The following SHISAL1 variants were observed in gnomAD, a reference collection of about 807,000 sequenced individuals.
SHISAL1 encodes shisa like 1, also known as protein shisa-like-1.
A neutral mutation model predicts 22.6 loss-of-function variants in SHISAL1; 9 were observed. The observed-to-expected ratio is 0.40, with a 90% CI of 0.24 to 0.70. The LOEUF is 0.70. Ranked by LOEUF, SHISAL1 falls within the 30% of genes least tolerant of loss-of-function variation. The pLI, the probability that SHISAL1 is intolerant of heterozygous loss-of-function variation, is 0.39. For missense variants in SHISAL1, 246 were observed against 270.6 expected, an observed-to-expected ratio of 0.91 and a Z score of 0.64; for synonymous variants, 119 against 115.4, an observed-to-expected ratio of 1.03 and a Z score of -0.20.
In SHISAL1 at chr22:44,296,734, C is replaced by G. The variant is rs1391526629; in HGVS notation, c.219G>C (p.Glu73Asp). The change falls in exon 3 of 5, where the codon GAG becomes GAC. Residue 73 changes from glutamate (E) to aspartate (D), a missense_variant. Physicochemically the swap from Glu to Asp is conservative, Grantham distance 45 (BLOSUM62 2). Transcript: ENST00000381176. ...CCTGCATCACCGCCTGGAACTCCGT[C>G]TCGTTGCAGCAGTATTTGAAGACCG... ...NNTVFKYCCN[E>D]TEFQAVMQAN... The G allele has an allele frequency of 6.2e-7, 1 of 1,614,132 alleles. No individual in the cohort carries two copies. The highest frequency in any genetic ancestry group is 1.3e-5 in the African/African-American group (1 of 75,048).
At chr22:44,257,884 G>A (rs1157830478) in intron 4 of SHISAL1, among the ~76,000 whole-genome samples, 1 of 152,216 alleles carries the variant, frequency 6.6e-6, no homozygotes, top group African/African-American at 2.4e-5. Flanking sequence ...GCTCACGCCT[G>A]TAATCCCAGC....
At position 44,249,496 on chromosome 22, in the gene SHISAL1, T is replaced by C. The variant is rs2055031187; in HGVS notation, c.*189A>G. The stretch of plus-strand genomic sequence containing the variant: ...TCCCCTCCCCTGCACCCCCAGCCCC[T>C]ACCCCTGAGTTTGCTCCTAATCTTA... On this transcript the variant is annotated 3_prime_UTR_variant, in exon 5 of 5. Transcript: ENST00000381176. 1.1e-5 allele frequency: 4 copies of C among 356,132 alleles called. No individual in the cohort carries two copies. The highest frequency in any genetic ancestry group is 1.1e-5 in the Non-Finnish European group (2 of 177,474). 22.1% of individuals were successfully genotyped at this position (356,132 alleles called of 1,614,324 possible). A position where few individuals can be genotyped will look rare whatever the true frequency, so the allele number is the denominator to read the frequency against.
the SHISAL1 span, among the ~76,000 whole-genome samples, chr22:44,319,315 C>T: frequency 1.3e-5 from 2 of 152,238 alleles, no homozygotes; most frequent in Admixed American, 1.3e-4. Context: ...GTGTTGCCTG[C>T]CGAAGATCAC....
At position 44,288,363 on chromosome 22, in the gene SHISAL1, G is replaced by A. The variant is rs548587643; in HGVS notation, c.282-2618C>T. 6.6e-5 allele frequency among the ~76,000 whole-genome samples: 10 copies of A among 152,338 alleles called. 1 individual carries two copies. In the South Asian group the frequency reaches 1.0e-3, roughly 16 times the overall value. On this transcript the variant is annotated intron_variant, in intron 3 of 4. Coordinates refer to ENST00000381176, the MANE Select transcript of SHISAL1 (RefSeq NM_001099294.2). ...AGAAAAGCTGCTCCAGGGGCCAGGC[G>A]CGGTGGCTCATGCCTGTAATCCCAG...
In SHISAL1 at chr22:44,244,725, G is replaced by C. The variant is rs1254292688; in HGVS notation, c.*4960C>G. Reference sequence around the variant, plus strand: ...CCAGCTATAGCAGGAATGGCTCCCAGATGGGCCCTGGGTACAGGGCCAGGC... The same window carrying C: ...CCAGCTATAGCAGGAATGGCTCCCACATGGGCCCTGGGTACAGGGCCAGGC... On this transcript the variant is annotated 3_prime_UTR_variant, in exon 5 of 5. Transcript: ENST00000381176. 5 of 152,320 alleles carry C rather than the reference G, an allele frequency of 3.3e-5. No individual in the cohort carries two copies. The highest frequency in any genetic ancestry group is 3.4e-3 in the Middle Eastern group (1 of 294). The allele number at this position is 152,320 out of a possible 1,614,324, so 9.4% of individuals were successfully genotyped here. A position where few individuals can be genotyped will look rare whatever the true frequency, so the allele number is the denominator to read the frequency against.
At chr22:44,276,209 ACT>A (rs1256830073) in intron 4 of SHISAL1, among the ~76,000 whole-genome samples, 1 of 152,030 alleles carries the variant, frequency 6.6e-6, no homozygotes, top group African/African-American at 2.4e-5. Flanking sequence ...TGATCGGGTG[ACT>A]CTGAACAGGG....
At chr22:44,320,414 G>T in the SHISAL1 span, among the ~76,000 whole-genome samples, 1 of 152,204 alleles carries the variant, frequency 6.6e-6, no homozygotes, top group African/African-American at 2.4e-5. Context: ...CCGTGGATCA[G>T]GGGGCAGGGA....
At chr22:44,305,345 C>T (rs1381530647) in intron 1 of SHISAL1, among the ~76,000 whole-genome samples, 1 of 152,218 alleles carries the variant, frequency 6.6e-6, no homozygotes, top group Non-Finnish European at 1.5e-5. Context: ...AGCAGCCTCC[C>T]GTTATGCGAT....
At position 44,249,626 on chromosome 22, in the gene SHISAL1, G is replaced by A. The variant is rs1389505056; in HGVS notation, c.*59C>T. 1.3e-6 allele frequency: 1 copy of A among 778,112 alleles called. No individual in the cohort carries two copies. Among genetic ancestry groups the A allele is most frequent in the East Asian group, 2.4e-5 (1 of 41,174 alleles). The allele number at this position is 778,112 out of a possible 1,614,324, so 48.2% of individuals were successfully genotyped here. On this transcript the variant is annotated 3_prime_UTR_variant, in exon 5 of 5. Transcript: ENST00000381176. Reference sequence around the variant, plus strand: ...CTCTGTAGAAGTTGTTCTTCTCGGAGGCTGCACCGGGTGCTTCAGATCTCA... The same window carrying A: ...CTCTGTAGAAGTTGTTCTTCTCGGAAGCTGCACCGGGTGCTTCAGATCTCA...
chr22:44,272,451 G>C (rs772063299), intron 4 of SHISAL1, among the ~76,000 whole-genome samples: 1 of 152,188 alleles, frequency 6.6e-6, no homozygotes, highest in Non-Finnish European at 1.5e-5. Context: ...CACTTAACAC[G>C]GGGCATGGCC....
chr22:44,292,289 G>T (rs2055358334), intron 3 of SHISAL1, among the ~76,000 whole-genome samples: 1 of 152,148 alleles, frequency 6.6e-6, no homozygotes, highest in African/African-American at 2.4e-5. Flanking sequence ...ATCTAGACGG[G>T]CTGCTGGTGA....
At chr22:44,282,311 T>C (rs966329666) in intron 4 of SHISAL1, among the ~76,000 whole-genome samples, 19 of 152,236 alleles carry the variant, frequency 1.2e-4, no homozygotes, top group Non-Finnish European at 2.5e-4. Context: ...AGGGAACTCC[T>C]GGGCACTGAG....
In SHISAL1 at chr22:44,249,355, C is replaced by T. The variant is rs2055029922; in HGVS notation, c.*330G>A. On this transcript the variant is annotated 3_prime_UTR_variant, in exon 5 of 5. Coordinates refer to ENST00000381176, the MANE Select transcript of SHISAL1 (RefSeq NM_001099294.2). ...GTATAACTCACAGGCCTCAATCCTC[C>T]TGGCTGGAATCAGCCAGAGTTGCTT... 3 of 306,510 alleles carry T rather than the reference C, an allele frequency of 9.8e-6. No individual in the cohort carries two copies. The highest frequency in any genetic ancestry group is 1.8e-5 in the Non-Finnish European group (3 of 164,276). 19.0% of individuals were successfully genotyped at this position (306,510 alleles called of 1,614,324 possible).
intron 4 of SHISAL1, among the ~76,000 whole-genome samples, chr22:44,253,332 T>C (rs544211549): frequency 6.6e-6 from 1 of 151,786 alleles, no homozygotes; most frequent in Non-Finnish European, 1.5e-5. Context: ...CTAACAGTAA[T>C]GAATGTTCAT....
chr22:44,309,197 G>A (rs889398389), intron 1 of SHISAL1, among the ~76,000 whole-genome samples: 2 of 152,246 alleles, frequency 1.3e-5, no homozygotes, highest in African/African-American at 4.8e-5. Context: ...AGTCTCTACT[G>A]TGGACCAACA....
At chr22:44,265,651 G>T (rs528150344) in intron 4 of SHISAL1, among the ~76,000 whole-genome samples, 35 of 152,316 alleles carry the variant, frequency 2.3e-4, no homozygotes, top group African/African-American at 8.4e-4. Flanking sequence ...GGGGTAACTT[G>T]TTACACAGCA....
chr22:44,325,538 T>C, the SHISAL1 span, among the ~76,000 whole-genome samples: 2 of 152,174 alleles, frequency 1.3e-5, no homozygotes, highest in Non-Finnish European at 2.9e-5. Context: ...CTTTAAGTTT[T>C]AGAATTTCTA....
the SHISAL1 span, among the ~76,000 whole-genome samples, chr22:44,325,561 T>G: frequency 1.3e-5 from 2 of 152,152 alleles, no homozygotes; most frequent in Non-Finnish European, 2.9e-5. Context: ...GAATAACTTA[T>G]TCTATTTGCT....
intron 4 of SHISAL1, among the ~76,000 whole-genome samples, chr22:44,277,197 T>C (rs1424564121): frequency 6.6e-6 from 1 of 152,112 alleles, no homozygotes; most frequent in Non-Finnish European, 1.5e-5. Flanking sequence ...TGGGGAAGGC[T>C]CACGGACGCG....
Sources: gnomAD v4.1 joint callset for allele counts (sites outside exome capture counted in the v4.1 genomes callset) on GRCh38, gnomAD v4.1.1 for gene constraint, MANE v1.5 for transcripts, NCBI Gene and HGNC (gene_info 2026-07-23, HGNC 2026-07-21) for gene names.